Variants in ZNF804B observed in about 807,000 individuals in gnomAD.
ZNF804B encodes the protein zinc finger protein 804B, also known as zinc finger 804B.
ZNF804B carries 80 observed loss-of-function variants against 101.4 expected under a neutral mutation model. That is an observed-to-expected ratio of 0.79 (90% CI 0.66 to 0.95). ZNF804B has a LOEUF of 0.95. Ranked by LOEUF, ZNF804B falls within the 40% of genes least tolerant of loss-of-function variation. The pLI, the probability that ZNF804B is intolerant of heterozygous loss-of-function variation, is 0.00. For synonymous variants in ZNF804B, 622 were observed against 558.8 expected (o/e 1.11, Z -1.59); for missense variants, 1,673 against 1,561.9 (o/e 1.07, Z -1.20).
chr7:88,882,784 C>G (rs1562821959), intron 1 of ZNF804B, among the ~76,000 whole-genome samples: 1 of 151,992 alleles, frequency 6.6e-6, no homozygotes, highest in Non-Finnish European at 1.5e-5. Flanking sequence ...TTCTTGCTTA[C>G]AAGTGGGAGC....
chr7:89,004,371 T>A (rs1423161584), intron 1 of ZNF804B, among the ~76,000 whole-genome samples: 1 of 151,904 alleles, frequency 6.6e-6, no homozygotes, highest in African/African-American at 2.4e-5. Flanking sequence ...ATATAAAGTA[T>A]GATCATAAAA....
At chr7:89,179,743 T>A (rs1324104752) in intron 1 of ZNF804B, among the ~76,000 whole-genome samples, 1 of 152,186 alleles carries the variant, frequency 6.6e-6, no homozygotes, top group Non-Finnish European at 1.5e-5. Flanking sequence ...GTATTTGTTG[T>A]CCTCATCACA....
chr7:89,032,272 G>A (rs372232660), intron 1 of ZNF804B, among the ~76,000 whole-genome samples: 20 of 149,832 alleles, frequency 1.3e-4, no homozygotes, highest in Middle Eastern at 3.4e-3. Context: ...TGTATGCCCC[G>A]AAAACTCTTT....
Position 89,133,224 on chromosome 7 carries a change from G to A in ZNF804B, c.109-84931G>A, listed in dbSNP as rs189294524. Among the ~76,000 whole-genome samples, 195 of 152,124 alleles carry A rather than the reference G, an allele frequency of 1.3e-3. 1 individual carries two copies. Among genetic ancestry groups the A allele is most frequent in the African/African-American group, 4.4e-3 (182 of 41,532 alleles). On this transcript the variant is annotated intron_variant, in intron 1 of 3. Transcript: ENST00000333190. ...TTGTCTATTGGCAGTGCTGAGACCT[G>A]CAAAGGCAGAACCAGGATGCTAGAT...
intron 1 of ZNF804B, among the ~76,000 whole-genome samples, chr7:89,152,816 C>T (rs914587718): frequency 3.9e-5 from 6 of 151,942 alleles, no homozygotes; most frequent in African/African-American, 2.4e-5. Flanking sequence ...GCATAACCTG[C>T]GCATATGCTG....
intron 1 of ZNF804B, among the ~76,000 whole-genome samples, chr7:89,170,565 A>G (rs1477373621): frequency 1.3e-5 from 2 of 152,170 alleles, no homozygotes; most frequent in Non-Finnish European, 2.9e-5. Context: ...CCCCTTCAGT[A>G]GAAGGATTTG....
intron 1 of ZNF804B, among the ~76,000 whole-genome samples, chr7:89,061,804 A>G (rs1789384949): frequency 6.6e-6 from 1 of 152,094 alleles, no homozygotes; most frequent in Non-Finnish European, 1.5e-5. Context: ...TGTCTATTGC[A>G]CATCTCCATC....
At chr7:89,277,217 G>A (rs188596765) in intron 2 of ZNF804B, among the ~76,000 whole-genome samples, 1 of 149,820 alleles carries the variant, frequency 6.7e-6, no homozygotes, top group East Asian at 1.9e-4. Context: ...CTCAAATGCA[G>A]AGCTAATGCA....
intron 1 of ZNF804B, among the ~76,000 whole-genome samples, chr7:88,871,833 T>C (rs1791827529): frequency 6.6e-6 from 1 of 152,060 alleles, no homozygotes; most frequent in African/African-American, 2.4e-5. Context: ...CCGGGCGTGG[T>C]GGTGCATGCC....
intron 1 of ZNF804B, among the ~76,000 whole-genome samples, chr7:88,934,023 A>G (rs994621875): frequency 2.6e-5 from 4 of 152,032 alleles, no homozygotes; most frequent in Admixed American, 6.6e-5. Flanking sequence ...AAACTATACT[A>G]CATGGCTATA....
At chr7:88,917,350 C>T (rs1047509290) in intron 1 of ZNF804B, among the ~76,000 whole-genome samples, 4 of 152,068 alleles carry the variant, frequency 2.6e-5, no homozygotes, top group African/African-American at 7.2e-5. Context: ...TTGGTTGGAA[C>T]ATGTTAAAAT....
At chr7:88,935,992 C>T (rs758473058) in intron 1 of ZNF804B, among the ~76,000 whole-genome samples, 5 of 150,706 alleles carry the variant, frequency 3.3e-5, no homozygotes, top group Non-Finnish European at 5.9e-5. Context: ...CTTTCTCCCT[C>T]CCTTCCTCCA....
chr7:88,941,767 G>A (rs778109390), intron 1 of ZNF804B, among the ~76,000 whole-genome samples: 2 of 151,930 alleles, frequency 1.3e-5, no homozygotes, highest in East Asian at 3.9e-4. Context: ...GACTTTAGAA[G>A]ATAATGTTGT....
At chr7:88,936,852 G>C (rs1792978673) in intron 1 of ZNF804B, among the ~76,000 whole-genome samples, 1 of 152,036 alleles carries the variant, frequency 6.6e-6, no homozygotes, top group African/African-American at 2.4e-5. Context: ...TAATTTCCTT[G>C]AGTTCAAAAG....
At chr7:88,794,316 G>T in intron 1 of ZNF804B, 4 of 1,613,878 alleles carry the variant, frequency 2.5e-6, no homozygotes, top group Non-Finnish European at 3.4e-6. Context: ...TTTGTTCTGG[G>T]AGGAGTAGGT....
At chr7:88,765,584 C>T (rs1358609611) in intron 1 of ZNF804B, among the ~76,000 whole-genome samples, 1 of 151,978 alleles carries the variant, frequency 6.6e-6, no homozygotes, top group Non-Finnish European at 1.5e-5. Context: ...TACACATTGT[C>T]ATAATTCTTT....
chr7:89,097,008 C>T (rs1004238721), intron 1 of ZNF804B, among the ~76,000 whole-genome samples: 2 of 152,104 alleles, frequency 1.3e-5, no homozygotes, highest in Non-Finnish European at 2.9e-5. Flanking sequence ...TCTGCTTATC[C>T]AGAAAGTCAT....
chr7:88,864,331 T>G (rs1333937271), intron 1 of ZNF804B, among the ~76,000 whole-genome samples: 3 of 152,162 alleles, frequency 2.0e-5, no homozygotes. Context: ...ATGGCTTCTA[T>G]TTTTGTCTTG....
At chr7:88,845,677 A>C (rs573370656) in intron 1 of ZNF804B, among the ~76,000 whole-genome samples, 89 of 152,118 alleles carry the variant, frequency 5.9e-4, no homozygotes, top group African/African-American at 2.0e-3. Flanking sequence ...CCTTTGAGAA[A>C]ATCTTAATTA....
Sources: gnomAD v4.1 joint callset for allele counts (sites outside exome capture counted in the v4.1 genomes callset) on GRCh38, gnomAD v4.1.1 for gene constraint, MANE v1.5 for transcripts, NCBI Gene and HGNC (gene_info 2026-07-23, HGNC 2026-07-21) for gene names.